The following KCNIP4 variants were observed in gnomAD, a reference collection of about 807,000 sequenced individuals.
The protein encoded by KCNIP4 is Kv channel-interacting protein 4.
In KCNIP4, 12 loss-of-function variants were observed where a neutral mutation model predicts 34.0. The ratio of observed to expected loss-of-function variants is 0.35; its 90% CI spans 0.23 to 0.57. The LOEUF is 0.57. KCNIP4 is among the 20% of genes least tolerant of loss of function. The probability of loss-of-function intolerance (pLI) is 0.83; values close to 1 mark genes in which losing one functional copy is unlikely to be tolerated. For synonymous variants in KCNIP4, 124 were observed against 102.2 expected, an observed-to-expected ratio of 1.21 and a Z score of -1.29; for missense variants, 238 against 311.7, an observed-to-expected ratio of 0.76 and a Z score of 1.78.
At chr4:21,839,624 A>T in intron 1 of KCNIP4, among the ~76,000 whole-genome samples, 1 of 152,232 alleles carries the variant, frequency 6.6e-6, no homozygotes, top group East Asian at 1.9e-4. Flanking sequence ...ATAGTGGCAC[A>T]TGCCTGTAAT....
intron 1 of KCNIP4, among the ~76,000 whole-genome samples, chr4:21,007,006 A>G (rs1277272688): frequency 6.6e-6 from 1 of 152,196 alleles, no homozygotes; most frequent in African/African-American, 2.4e-5. Flanking sequence ...TGACTTTCCA[A>G]GGTCTCTTGC....
At chr4:21,362,423 T>G (rs1719325024) in intron 1 of KCNIP4, among the ~76,000 whole-genome samples, 1 of 152,144 alleles carries the variant, frequency 6.6e-6, no homozygotes, top group Non-Finnish European at 1.5e-5. Context: ...AAATCATTAA[T>G]TTTGCAAAAC....
chr4:21,713,937 G>T (rs549846226), intron 1 of KCNIP4, among the ~76,000 whole-genome samples: 1 of 152,234 alleles, frequency 6.6e-6, no homozygotes, highest in Non-Finnish European at 1.5e-5. Context: ...CAACGAAAAT[G>T]ATATGAATAT....
intron 1 of KCNIP4, among the ~76,000 whole-genome samples, chr4:21,803,503 AGCTCTTTGAAAAAAAGATC>A (rs146902488): frequency 0.39 from 59,822 of 151,860 alleles, 13,045 homozygotes; most frequent in Non-Finnish European, 0.51. Context: ...GCTTTCTTTC[AGCTCTTTGAAAAAAAGATC>A]ACAATTTTCA....
intron 1 of KCNIP4, among the ~76,000 whole-genome samples, chr4:21,560,581 A>G (rs1057143448): frequency 6.6e-6 from 1 of 152,128 alleles, no homozygotes; most frequent in African/African-American, 2.4e-5. Context: ...ACTTGAGCAA[A>G]GGTTTTATTT....
intron 3 of KCNIP4, among the ~76,000 whole-genome samples, chr4:20,791,914 G>T (rs751094022): frequency 3.3e-5 from 5 of 152,138 alleles, no homozygotes; most frequent in Middle Eastern, 3.2e-3. Flanking sequence ...AACTGTCTTT[G>T]GATGTGAACC....
intron 1 of KCNIP4, among the ~76,000 whole-genome samples, chr4:21,515,221 A>G (rs1356303284): frequency 6.6e-6 from 1 of 151,810 alleles, no homozygotes; most frequent in African/African-American, 2.4e-5. Context: ...ATCTGGAAAA[A>G]CTCTCCACTT....
At chr4:21,641,402 G>A (rs1297599733) in intron 1 of KCNIP4, among the ~76,000 whole-genome samples, 1 of 152,174 alleles carries the variant, frequency 6.6e-6, no homozygotes, top group Admixed American at 6.5e-5. Flanking sequence ...AATGGTGAAG[G>A]AAAATCCTCT....
intron 1 of KCNIP4, among the ~76,000 whole-genome samples, chr4:20,919,929 C>T (rs917181962): frequency 6.6e-6 from 1 of 152,012 alleles, no homozygotes; most frequent in Non-Finnish European, 1.5e-5. Flanking sequence ...AATTAGAATC[C>T]TCTTCTCTTT....
intron 1 of KCNIP4, among the ~76,000 whole-genome samples, chr4:21,914,834 C>T (rs1307501082): frequency 6.6e-6 from 1 of 152,100 alleles, no homozygotes; most frequent in East Asian, 1.9e-4. Context: ...TGTTCCCAAC[C>T]CCTTGCAAAT....
chr4:20,999,986 G>A (rs1350643569), intron 1 of KCNIP4, among the ~76,000 whole-genome samples: 2 of 152,096 alleles, frequency 1.3e-5, no homozygotes, highest in African/African-American at 4.8e-5. Context: ...CATTGCCAAG[G>A]AAGGGCGGAA....
chr4:21,408,771 G>A (rs778566855), intron 1 of KCNIP4, among the ~76,000 whole-genome samples: 30 of 152,282 alleles, frequency 2.0e-4, no homozygotes, highest in Non-Finnish European at 4.0e-4. Flanking sequence ...TGTGATTCTC[G>A]TTACAGTGAC....
chr4:21,421,564 T>C (rs1293488172), intron 1 of KCNIP4, among the ~76,000 whole-genome samples: 1 of 152,122 alleles, frequency 6.6e-6, no homozygotes, highest in Non-Finnish European at 1.5e-5. Context: ...TGTAGAATCA[T>C]AAAAAGTTGA....
At chr4:21,755,824 C>T (rs942459215) in intron 1 of KCNIP4, among the ~76,000 whole-genome samples, 4 of 152,162 alleles carry the variant, frequency 2.6e-5, no homozygotes, top group Non-Finnish European at 4.4e-5. Flanking sequence ...TGTTCTAGCT[C>T]AGATGTGGTC....
At chr4:21,794,149 G>C (rs1720473582) in intron 1 of KCNIP4, among the ~76,000 whole-genome samples, 1 of 152,172 alleles carries the variant, frequency 6.6e-6, no homozygotes, top group Non-Finnish European at 1.5e-5. Flanking sequence ...GAGAGGGATA[G>C]CATTAGGAGA....
At chr4:20,789,038 C>CA (rs556621867) in intron 3 of KCNIP4, among the ~76,000 whole-genome samples, 160 of 152,102 alleles carry the variant, frequency 1.1e-3, no homozygotes, top group African/African-American at 3.6e-3. Context: ...ATCAATCAAA[C>CA]AAAAAAACTC....
chr4:21,748,093 A>C lies in KCNIP4; in HGVS notation c.61+200478T>G, dbSNP rs142484436. Among the ~76,000 whole-genome samples the C allele has an allele frequency of 1.3e-3, 199 of 152,220 alleles. 2 individuals carry two copies. The highest frequency in any genetic ancestry group is 6.8e-3 in the Middle Eastern group (2 of 294). On this transcript the variant is annotated intron_variant, in intron 1 of 8. Transcript: ENST00000382152. ...TAATCTGGAGAACTGTGAGAGCATA[A>C]ATTTCTGTTGTTTTAAGTAACCTAG... is the stretch of plus-strand genomic sequence containing the variant.
chr4:21,223,483 C>T (rs536163248), intron 1 of KCNIP4, among the ~76,000 whole-genome samples: 97 of 152,312 alleles, frequency 6.4e-4, no homozygotes, highest in Non-Finnish European at 1.1e-3. Flanking sequence ...GCCTGCTTTG[C>T]ATATGAATCG....
At chr4:21,206,068 A>G (rs1025628677) in intron 1 of KCNIP4, among the ~76,000 whole-genome samples, 1 of 152,174 alleles carries the variant, frequency 6.6e-6, no homozygotes, top group African/African-American at 2.4e-5. Context: ...CTGTGGCTTT[A>G]ATTAAATGTT....
Sources: allele counts gnomAD v4.1 joint callset (sites outside exome capture counted in the v4.1 genomes callset), GRCh38; gene constraint gnomAD v4.1.1; transcripts MANE v1.5; gene names NCBI Gene and HGNC (gene_info 2026-07-23, HGNC 2026-07-21).